EDNRB: variants seen among roughly 807,000 people sequenced by gnomAD.
EDNRB encodes endothelin receptor type B, also known as Hirschsprung disease 2.
EDNRB carries 18 observed loss-of-function variants against 46.4 expected under a neutral mutation model. That is an observed-to-expected ratio of 0.39 (90% confidence interval 0.27 to 0.57). The LOEUF (loss-of-function observed/expected upper bound fraction) is 0.57. EDNRB is among the 20% of genes least tolerant of loss of function. EDNRB has a pLI of 0.61. For missense variants in EDNRB, 434 were observed against 537.5 expected (o/e 0.81, Z 1.90); for synonymous variants, 213 against 204.9 (o/e 1.04, Z -0.34).
At chr13:77,915,207 G>A (rs138057271) in intron 1 of EDNRB, among the ~76,000 whole-genome samples, 2 of 152,044 alleles carry the variant, frequency 1.3e-5, no homozygotes, top group African/African-American at 4.8e-5. Context: ...GCTTTTAACT[G>A]GTCCTGGATT....
At chr13:77,946,832 C>T (rs989672015) in intron 1 of EDNRB, among the ~76,000 whole-genome samples, 4 of 152,194 alleles carry the variant, frequency 2.6e-5, no homozygotes, top group Admixed American at 6.5e-5. Context: ...TGTTGAACTG[C>T]CATTGTTATT....
At position 77,899,878 on chromosome 13, in the gene EDNRB, C is replaced by T; in HGVS notation, c.1175G>A (p.Arg392Lys). ...NPIALYLVSK[R>K]FKNCFKSCLC... ...TCTTACCTTAAAGCAGTTTTTGAAT[C>T]TTTTGCTCACCAAATACAGAGCAAT... Residue 392 changes from arginine to lysine, a missense_variant, in exon 6 of 7, where the codon AGA (arginine) becomes AAA (lysine). Transcript: ENST00000646607. 6.2e-7 allele frequency: 1 copy of T among 1,611,664 alleles called. No homozygotes were observed. The highest frequency in any genetic ancestry group is 8.5e-7 in the Non-Finnish European group (1 of 1,178,590).
At chr13:77,919,756 C>G (rs1439194434), upstream of EDNRB, 1 of 752,076 alleles carries the variant, frequency 1.3e-6, no homozygotes, top group African/African-American at 1.8e-5. Flanking sequence ...GGACAGGTCC[C>G]AAAAGGCTGT....
chr13:77,923,679 A>G (rs1880148357), upstream of EDNRB, among the ~76,000 whole-genome samples: 1 of 152,144 alleles, frequency 6.6e-6, no homozygotes, highest in Non-Finnish European at 1.5e-5. Context: ...ACCTGAATGA[A>G]GTGTCCAAAG....
In EDNRB at chr13:77,896,481, GT is replaced by G; in HGVS notation, c.*1718del. ...TCTTTCTTTCTGGCCACATTGTTGG[GT>G]TTTGGTTTACTGTACCATCACATTC... is the stretch of plus-strand genomic sequence containing the variant. On this transcript the variant is annotated 3_prime_UTR_variant, in exon 7 of 7. Transcript: ENST00000646607. The G allele has an allele frequency of 6.3e-7, 1 of 1,580,410 alleles. No individual in the cohort carries two copies. Among genetic ancestry groups the G allele is most frequent in the Non-Finnish European group, 8.6e-7 (1 of 1,161,268 alleles).
intron 1 of EDNRB, among the ~76,000 whole-genome samples, chr13:77,944,053 G>A (rs957505511): frequency 2.6e-5 from 4 of 152,040 alleles, no homozygotes; most frequent in African/African-American, 9.7e-5. Context: ...TCATGGGGGT[G>A]CTAAGTCTTG....
chr13:77,921,127 G>A (rs150643284), upstream of EDNRB, among the ~76,000 whole-genome samples: 119 of 152,256 alleles, frequency 7.8e-4, no homozygotes, highest in African/African-American at 2.7e-3. Flanking sequence ...TATTGATTTC[G>A]TGTGACTTAA....
intron 1 of EDNRB, among the ~76,000 whole-genome samples, chr13:77,944,127 TG>T (rs1264359499): frequency 6.6e-6 from 1 of 152,092 alleles, no homozygotes; most frequent in African/African-American, 2.4e-5. Context: ...TCAAACTCCA[TG>T]TTTTTTTCTG....
At position 77,899,911 on chromosome 13, in the gene EDNRB, A is replaced by C. The variant is rs754274541; in HGVS notation, c.1142T>G (p.Ile381Ser). 1 of 1,612,118 alleles carries C rather than the reference A, an allele frequency of 6.2e-7. No homozygotes were observed. The highest frequency in any genetic ancestry group is 8.5e-7 in the Non-Finnish European group (1 of 1,178,802). ...GINMASLNSCINPIALYLVSK... is the reference protein window; with the variant it reads ...GINMASLNSCSNPIALYLVSK... ...CACCAAATACAGAGCAATTGGGTTA[A>C]TGCAGGAATTCAGTGAAGCCATGTT... The change falls in exon 6 of 7, where the codon ATT becomes AGT. Residue 381 changes from isoleucine to serine, a missense_variant. Coordinates refer to ENST00000646607, the MANE Select transcript of EDNRB (RefSeq NM_001122659.3).
intron 1 of EDNRB, among the ~76,000 whole-genome samples, chr13:77,917,773 T>C (rs559442534): frequency 6.6e-6 from 1 of 152,330 alleles, no homozygotes; most frequent in East Asian, 1.9e-4. Flanking sequence ...TCAGTAGGTC[T>C]GGGGTGAGGC....
rs933403751 is a variant in EDNRB, at chr13:77,934,685, G to A, written c.-51-16061C>T. 3.4e-3 allele frequency among the ~76,000 whole-genome samples: 506 copies of A among 150,978 alleles called. 1 individual carries two copies. The highest frequency in any genetic ancestry group is 6.0e-3 in the Non-Finnish European group (409 of 67,714). On this transcript the variant is annotated intron_variant, in intron 1 of 7. Coordinates refer to the EDNRB transcript ENST00000646948. The stretch of plus-strand genomic sequence containing the variant: ...TGAGCTTGATGTGTAGGAAAGGGGG[G>A]GGGGGGCCTGAATAGTCCCTGAGGA...
chr13:77,952,755 G>C (rs569134411), intron 1 of EDNRB, among the ~76,000 whole-genome samples: 1 of 152,288 alleles, frequency 6.6e-6, no homozygotes, highest in South Asian at 2.1e-4. Flanking sequence ...CTGGACCTAA[G>C]ATGTTGTTTA....
chr13:77,954,758 C>T (rs147425010), intron 1 of EDNRB, among the ~76,000 whole-genome samples: 87 of 152,156 alleles, frequency 5.7e-4, no homozygotes, highest in Middle Eastern at 6.8e-3. Flanking sequence ...CCACCTGCCT[C>T]GGCCTCCCAA....
chr13:77,952,074 G>A (rs1594393506), intron 1 of EDNRB, among the ~76,000 whole-genome samples: 3 of 152,116 alleles, frequency 2.0e-5, no homozygotes, highest in East Asian at 1.9e-4. Flanking sequence ...AAGAGGTCCC[G>A]ATCCAGATCC....
intron 1 of EDNRB, among the ~76,000 whole-genome samples, chr13:77,943,737 T>C (rs1015268940): frequency 1.8e-4 from 28 of 152,092 alleles, no homozygotes; most frequent in African/African-American, 6.8e-4. Context: ...TTCTCTTCTA[T>C]TGGCTTTTTC....
chr13:77,948,736 A>G (rs1317656008), intron 1 of EDNRB, among the ~76,000 whole-genome samples: 1 of 152,304 alleles, frequency 6.6e-6, no homozygotes, highest in South Asian at 2.1e-4. Flanking sequence ...TTTTATTCCA[A>G]CTCAAGACTT....
chr13:77,964,048 A>G, intron 1 of EDNRB, among the ~76,000 whole-genome samples: 1 of 152,234 alleles, frequency 6.6e-6, no homozygotes, highest in Non-Finnish European at 1.5e-5. Context: ...CATCAGAGAA[A>G]TGCAAATCAA....
In EDNRB at chr13:77,906,850, A is replaced by T. The variant is rs113000530; in HGVS notation, c.484-3243T>A. On this transcript the variant is annotated intron_variant, in intron 1 of 6. Transcript: ENST00000646607. The stretch of plus-strand genomic sequence containing the variant: ...CCACTAAATTGTAGGGTAATTTGTT[A>T]TTCATTAGGAAACCCACATGCCTGC... Among the ~76,000 whole-genome samples the T allele has an allele frequency of 1.4e-3, 208 of 152,116 alleles. 1 individual carries two copies. Among genetic ancestry groups the T allele is most frequent in the Non-Finnish European group, 2.5e-3 (173 of 67,914 alleles).
intron 1 of EDNRB, among the ~76,000 whole-genome samples, chr13:77,964,457 G>A (rs1212152021): frequency 2.0e-5 from 3 of 152,122 alleles, no homozygotes; most frequent in Non-Finnish European, 2.9e-5. Flanking sequence ...CATAAAAAAC[G>A]ATAAGTTCAT....
Sources: allele counts gnomAD v4.1 joint callset (sites outside exome capture counted in the v4.1 genomes callset), GRCh38; gene constraint gnomAD v4.1.1; transcripts MANE v1.5; gene names NCBI Gene and HGNC (gene_info 2026-07-23, HGNC 2026-07-21).